Variants in ZNF722 observed in about 807,000 individuals in gnomAD.
ZNF722 encodes zinc finger protein 479 pseudogene.
the ZNF722 span, among the ~76,000 whole-genome samples, chr7:64,017,457 A>G: frequency 6.6e-6 from 1 of 152,224 alleles, no homozygotes; most frequent in African/African-American, 2.4e-5. Flanking sequence ...CTTTAAAGTA[A>G]AGACTATTTA....
At chr7:64,001,172 A>T in the ZNF722 span, among the ~76,000 whole-genome samples, 1 of 152,104 alleles carries the variant, frequency 6.6e-6, no homozygotes, top group African/African-American at 2.4e-5. Context: ...TTGTGTACAG[A>T]TTATTTTATC....
the ZNF722 span, among the ~76,000 whole-genome samples, chr7:64,000,978 T>C: frequency 1.3e-5 from 2 of 152,096 alleles, no homozygotes; most frequent in South Asian, 4.2e-4. Context: ...GATTTGACCA[T>C]GTTGGACAGG....
the ZNF722 span, chr7:64,005,578 G>T: frequency 2.3e-6 from 2 of 874,070 alleles, no homozygotes; most frequent in Non-Finnish European, 3.8e-6. Flanking sequence ...CTGTGTTCAT[G>T]AGTGTTTTTT....
At chr7:64,007,539 G>A in the ZNF722 span, among the ~76,000 whole-genome samples, 1 of 151,984 alleles carries the variant, frequency 6.6e-6, no homozygotes, top group South Asian at 2.1e-4. Context: ...ATGGTTTCCA[G>A]CTTCATCCGT....
the ZNF722 span, chr7:64,015,893 T>TTTGTAG: frequency 6.4e-7 from 1 of 1,553,434 alleles, no homozygotes; most frequent in Admixed American, 1.7e-5. Flanking sequence ...TAATTCATAC[T>TTTGTAG]GGAGAGAAAC....
the ZNF722 span, among the ~76,000 whole-genome samples, chr7:64,001,888 A>C: frequency 6.6e-6 from 1 of 151,834 alleles, no homozygotes; most frequent in African/African-American, 2.4e-5. Flanking sequence ...TGAAATATAT[A>C]TATATATATT....
chr7:64,003,109 G>A, the ZNF722 span, among the ~76,000 whole-genome samples: 2 of 152,152 alleles, frequency 1.3e-5, no homozygotes, highest in African/African-American at 4.8e-5. Flanking sequence ...ATTCAGGAGA[G>A]TTTAGTTCAA....
the ZNF722 span, among the ~76,000 whole-genome samples, chr7:64,001,138 A>G: frequency 6.6e-6 from 1 of 152,102 alleles, no homozygotes; most frequent in South Asian, 2.1e-4. Context: ...TTTGTTGTAT[A>G]GGTAAAATCA....
chr7:64,008,367 A>G, the ZNF722 span, among the ~76,000 whole-genome samples: 1 of 152,098 alleles, frequency 6.6e-6, no homozygotes, highest in African/African-American at 2.4e-5. Context: ...TAGGGTTTTT[A>G]TGGTTTTAGA....
chr7:64,005,213 C>T, the ZNF722 span, among the ~76,000 whole-genome samples: 2 of 151,994 alleles, frequency 1.3e-5, no homozygotes, highest in South Asian at 2.1e-4. Flanking sequence ...GCAGGAGAAT[C>T]GATTGAACCC....
chr7:63,999,227 T>C, the ZNF722 span, among the ~76,000 whole-genome samples: 1 of 152,178 alleles, frequency 6.6e-6, no homozygotes, highest in African/African-American at 2.4e-5. Context: ...GGCTTTGCCC[T>C]GGACTGGAGG....
the ZNF722 span, among the ~76,000 whole-genome samples, chr7:64,011,919 C>G: frequency 0.01 from 1,524 of 152,266 alleles, 19 homozygotes; most frequent in Middle Eastern, 0.024. Flanking sequence ...TTCACATAGT[C>G]CCATATTTCT....
At chr7:64,013,141 A>T in the ZNF722 span, among the ~76,000 whole-genome samples, 1 of 152,164 alleles carries the variant, frequency 6.6e-6, no homozygotes, top group African/African-American at 2.4e-5. Context: ...TGCAAAATGA[A>T]TTCATACACA....
the ZNF722 span, among the ~76,000 whole-genome samples, chr7:64,017,075 G>A: frequency 6.6e-6 from 1 of 152,086 alleles, no homozygotes. Flanking sequence ...CTCAATATCA[G>A]AAAGTTTATA....
chr7:64,005,160 A>G, the ZNF722 span, among the ~76,000 whole-genome samples: 3 of 152,086 alleles, frequency 2.0e-5, no homozygotes, highest in Non-Finnish European at 2.9e-5. Flanking sequence ...TCAGCCAGGC[A>G]TGGTGGCTCA....
chr7:64,001,531 G>C, the ZNF722 span, among the ~76,000 whole-genome samples: 1 of 152,106 alleles, frequency 6.6e-6, no homozygotes, highest in Non-Finnish European at 1.5e-5. Flanking sequence ...TCTTGCTATT[G>C]TGAATCGTGC....
At chr7:64,004,428 A>ATATATATG in the ZNF722 span, among the ~76,000 whole-genome samples, 145 of 64,252 alleles carry the variant, frequency 2.3e-3, 2 homozygotes, top group East Asian at 0.026. Flanking sequence ...AAAAAAAAAT[A>ATATATATG]TATATATATA....
the ZNF722 span, among the ~76,000 whole-genome samples, chr7:64,010,136 A>C: frequency 0.74 from 111,661 of 151,808 alleles, 41,326 homozygotes; most frequent in Admixed American, 0.78. Flanking sequence ...TCTCTCTTTT[A>C]TTCTTTATTA....
At chr7:64,002,134 G>C in the ZNF722 span, among the ~76,000 whole-genome samples, 1 of 152,078 alleles carries the variant, frequency 6.6e-6, no homozygotes, top group Admixed American at 6.6e-5. Flanking sequence ...GCCCGCCTTG[G>C]ACTCCCAAAG....
Sources: allele counts gnomAD v4.1 joint callset (sites outside exome capture counted in the v4.1 genomes callset), GRCh38; gene constraint gnomAD v4.1.1; transcripts MANE v1.5; gene names NCBI Gene and HGNC (gene_info 2026-07-23, HGNC 2026-07-21).